The following UBR3 variants were observed in gnomAD, a reference collection of about 807,000 sequenced individuals.
UBR3 encodes the protein ubiquitin protein ligase E3 component n-recognin 3, also known as E3 ubiquitin-protein ligase UBR3.
A neutral mutation model predicts 243.2 loss-of-function variants in UBR3; 85 were observed. The ratio of observed to expected loss-of-function variants is 0.35; its 90% CI spans 0.29 to 0.42. The LOEUF is 0.42. Among genes scored for constraint, UBR3 ranks in the 10% least tolerant of loss-of-function variants. The probability of loss-of-function intolerance (pLI) is 1.00; values close to 1 mark genes in which losing one functional copy is unlikely to be tolerated. For synonymous variants in UBR3, 748 were observed against 799.8 expected (o/e 0.94, Z 1.09); for missense variants, 1,686 against 2,300.8 (o/e 0.73, Z 5.47).
At chr2:169,832,165 G>A (rs571886930) in intron 1 of UBR3, among the ~76,000 whole-genome samples, 7 of 152,296 alleles carry the variant, frequency 4.6e-5, no homozygotes, top group African/African-American at 1.7e-4. Flanking sequence ...AATCAATGTG[G>A]CAGTATTAGC....
intron 31 of UBR3, among the ~76,000 whole-genome samples, chr2:170,034,801 G>A (rs565528471): frequency 4.6e-5 from 7 of 152,118 alleles, no homozygotes; most frequent in Admixed American, 4.6e-4. Flanking sequence ...CAATGAATGA[G>A]AGTTCTTGTT....
chr2:169,905,972 T>C (rs2084996059), intron 9 of UBR3, 59 bp from the exon 10 acceptor site: 2 of 1,522,696 alleles, frequency 1.3e-6, no homozygotes, highest in African/African-American at 1.4e-5. Flanking sequence ...GTACTTGATA[T>C]TTAACATGAA....
intron 33 of UBR3, among the ~76,000 whole-genome samples, chr2:170,058,975 C>G (rs894963789): frequency 2.0e-5 from 3 of 152,136 alleles, no homozygotes; most frequent in African/African-American, 7.2e-5. Flanking sequence ...TTGCATCTCT[C>G]GACCCTTGAT....
At chr2:170,076,919 A>C (rs2091822316) in intron 36 of UBR3, among the ~76,000 whole-genome samples, 1 of 152,192 alleles carries the variant, frequency 6.6e-6, no homozygotes, top group African/African-American at 2.4e-5. Flanking sequence ...ATTGTATGGC[A>C]ATATTTTTAT....
chr2:169,881,879 G>A (rs1474663938), intron 5 of UBR3, among the ~76,000 whole-genome samples: 1 of 130,160 alleles, frequency 7.7e-6, no homozygotes, highest in Admixed American at 8.3e-5. Context: ...ATACATATAG[G>A]TATATGTGTA....
At position 169,895,239 on chromosome 2, in the gene UBR3, G is replaced by T. The variant is rs2084536066; in HGVS notation, c.1164G>T (p.Trp388Cys). 1.3e-6 allele frequency: 2 copies of T among 1,545,598 alleles called. No individual in the cohort carries two copies. The highest frequency in any genetic ancestry group is 2.0e-5 in the Admixed American group (1 of 49,118). The change falls in exon 7 of 39, where the codon TGG becomes TGT. Residue 388 changes from tryptophan to cysteine, a missense_variant. Around this residue, in one of 8 missense-constraint regions of UBR3, gnomAD observed 200 missense variants for 231.6 expected, o/e 0.86. Transcript: ENST00000272793. ...HKSFLEELLF[W>C]TIKYEFPQKM... ...GCTTCCTAGAAGAACTATTATTTTG[G>T]ACTATAAAATATGAATTCCCTCAAA...
chr2:169,919,207 G>A (rs1459408484), intron 11 of UBR3, among the ~76,000 whole-genome samples: 1 of 152,158 alleles, frequency 6.6e-6, no homozygotes, highest in African/African-American at 2.4e-5. Flanking sequence ...TTTCTTCTTA[G>A]GAATTGGAAG....
chr2:169,952,989 A>T (rs1177451324), intron 23 of UBR3, among the ~76,000 whole-genome samples: 3 of 152,276 alleles, frequency 2.0e-5, no homozygotes, highest in Admixed American at 1.3e-4. Flanking sequence ...TCTTTCTGTT[A>T]TATAATAGTA....
intron 23 of UBR3, among the ~76,000 whole-genome samples, chr2:169,951,237 A>C (rs1370664153): frequency 6.6e-6 from 1 of 152,212 alleles, no homozygotes; most frequent in African/African-American, 2.4e-5. Context: ...AGTATGACTA[A>C]TACATTATTT....
At chr2:169,851,831 C>T (rs895585489) in intron 1 of UBR3, among the ~76,000 whole-genome samples, 6 of 137,696 alleles carry the variant, frequency 4.4e-5, no homozygotes, top group African/African-American at 8.6e-5. Context: ...AGCAAGGCTC[C>T]GTCTCAAAAA....
At chr2:169,918,350 A>G (rs1416148606) in intron 11 of UBR3, among the ~76,000 whole-genome samples, 4 of 141,298 alleles carry the variant, frequency 2.8e-5, no homozygotes, top group Non-Finnish European at 3.1e-5. Context: ...TTCCTCATCT[A>G]TTGAAGGTGA....
Position 169,994,466 on chromosome 2 carries a change from CTT to C in UBR3, c.3918+12_3918+13del. ...GCGTTATTTTAAGGATGTAAGTACT[CTT>C]TATAAAATAGTACTTTTGTCTGCCA... On this transcript the variant is annotated intron_variant, in intron 26 of 38. Transcript: ENST00000272793. 2.5e-6 allele frequency: 4 copies of C among 1,609,900 alleles called. No homozygotes were observed. Among genetic ancestry groups the C allele is most frequent in the Non-Finnish European group, 3.4e-6 (4 of 1,177,042 alleles).
At chr2:169,845,507 G>C (rs754934714) in intron 1 of UBR3, among the ~76,000 whole-genome samples, 1 of 88,344 alleles carries the variant, frequency 1.1e-5, no homozygotes, top group African/African-American at 4.8e-5. Flanking sequence ...CGTCATCGTC[G>C]TCGTCGTCGT....
At chr2:169,912,936 C>G (rs2085310567) in intron 10 of UBR3, among the ~76,000 whole-genome samples, 1 of 152,050 alleles carries the variant, frequency 6.6e-6, no homozygotes, top group Non-Finnish European at 1.5e-5. Context: ...AAATGCACGC[C>G]ACCACTCTTG....
chr2:169,986,838 A>G lies in UBR3; in HGVS notation c.3784+44A>G, dbSNP rs765134168. On this transcript the variant is annotated intron_variant, in intron 25 of 38. Coordinates refer to ENST00000272793, the MANE Select transcript of UBR3 (RefSeq NM_172070.4). ...TTTCATGGGAACATTTTAGAGCTGA[A>G]GTATATACAACAGATTAATAAATAT... 3.1e-6 allele frequency: 5 copies of G among 1,596,916 alleles called. No homozygotes were observed. The South Asian group carries it at 5.5e-5, about 18-fold the overall frequency.
chr2:169,969,506 T>G (rs149970835), intron 24 of UBR3, among the ~76,000 whole-genome samples: 1,747 of 151,994 alleles, frequency 0.011, 48 homozygotes, highest in African/African-American at 0.039. Context: ...GCTGTAAATA[T>G]GTGTATTTAT....
chr2:169,980,761 TC>T (rs1202855278), intron 24 of UBR3, among the ~76,000 whole-genome samples: 2 of 65,590 alleles, frequency 3.0e-5, no homozygotes, highest in African/African-American at 6.7e-5. Flanking sequence ...ATGCTATCCC[TC>T]CCCCCTCCCC....
rs182851003 is a variant in UBR3, at chr2:169,859,322, C to T, written c.546-12914C>T. ...TCCTGACCTCGTGATCCACCCGCCTCGGCTTCCCAGAGTGCTGGGATTATA... is the reference window on the plus strand; with the variant it reads ...TCCTGACCTCGTGATCCACCCGCCTTGGCTTCCCAGAGTGCTGGGATTATA... On this transcript the variant is annotated intron_variant, in intron 1 of 38. Transcript: ENST00000272793. Among the ~76,000 whole-genome samples, 101 of 152,262 alleles carry T rather than the reference C, an allele frequency of 6.6e-4. 1 individual carries two copies. Among genetic ancestry groups the T allele is most frequent in the Non-Finnish European group, 1.0e-3 (68 of 68,022 alleles).
intron 5 of UBR3, among the ~76,000 whole-genome samples, chr2:169,880,024 AT>A (rs2083762454): frequency 6.6e-6 from 1 of 152,184 alleles, no homozygotes; most frequent in African/African-American, 2.4e-5. Flanking sequence ...TAATACACAT[AT>A]AGTTTTAAAC....
Sources: gnomAD v4.1 joint callset for allele counts (sites outside exome capture counted in the v4.1 genomes callset) on GRCh38, gnomAD v4.1.1 for gene constraint, gnomAD v4.1.1 regional missense constraint, MANE v1.5 for transcripts, NCBI Gene and HGNC (gene_info 2026-07-23, HGNC 2026-07-21) for gene names.